The following GALNT7 variants were observed in gnomAD, a reference collection of about 807,000 sequenced individuals.
GALNT7 encodes polypeptide N-acetylgalactosaminyltransferase 7, also known as N-acetylgalactosaminyltransferase 7.
GALNT7 carries 60 observed loss-of-function variants against 82.1 expected under a neutral mutation model. That is an observed-to-expected ratio of 0.73 (90% CI 0.59 to 0.91). The LOEUF (loss-of-function observed/expected upper bound fraction) is 0.91. Ranked by LOEUF, GALNT7 falls within the 40% of genes least tolerant of loss-of-function variation. The pLI is 0.00. For synonymous variants in GALNT7, 243 were observed against 275.1 expected (o/e 0.88, Z 1.15); for missense variants, 660 against 804.2 (o/e 0.82, Z 2.17).
At chr4:173,222,069 C>T (rs1733661581) in intron 1 of GALNT7, among the ~76,000 whole-genome samples, 1 of 152,140 alleles carries the variant, frequency 6.6e-6, no homozygotes, top group African/African-American at 2.4e-5. Context: ...CTGCCCCTGC[C>T]TCATGATAGA....
intron 1 of GALNT7, among the ~76,000 whole-genome samples, chr4:173,232,874 C>A (rs1205269391): frequency 6.6e-6 from 1 of 152,118 alleles, no homozygotes; most frequent in African/African-American, 2.4e-5. Context: ...TGTTTGTACC[C>A]ATTAACCAAT....
At chr4:173,290,643 G>A (rs948632822) in intron 2 of GALNT7, among the ~76,000 whole-genome samples, 7 of 152,148 alleles carry the variant, frequency 4.6e-5, no homozygotes, top group South Asian at 2.1e-4. Flanking sequence ...CCTTTATGTC[G>A]TAAACTTCTA....
Position 173,314,138 on chromosome 4 carries a change from C to T in GALNT7, c.1570C>T (p.His524Tyr). ...AGAAATAGCTTATGATATCACCTCA[C>T]ACTACCCTTTGCCACCCAAAAATGT... ...MEEIAYDITSHYPLPPKNVDW... is the reference protein window; with the variant it reads ...MEEIAYDITSYYPLPPKNVDW... The change falls in exon 9 of 12, where the codon CAC becomes TAC. Residue 524 changes from histidine (H) to tyrosine (Y), a missense_variant. Physicochemically the swap from His to Tyr is moderately conservative, Grantham distance 83. Coordinates refer to ENST00000265000, the MANE Select transcript of GALNT7 (RefSeq NM_017423.3). 6.2e-7 allele frequency: 1 copy of T among 1,613,658 alleles called. No homozygotes were observed. Among genetic ancestry groups the T allele is most frequent in the African/African-American group, 1.3e-5 (1 of 75,008 alleles).
chr4:173,214,983 G>A (rs1029585870), intron 1 of GALNT7, among the ~76,000 whole-genome samples: 4 of 152,170 alleles, frequency 2.6e-5, no homozygotes, highest in African/African-American at 7.2e-5. Flanking sequence ...TTATAGTTAA[G>A]TTGTGGCTTG....
chr4:173,194,526 A>C (rs990526863), intron 1 of GALNT7, among the ~76,000 whole-genome samples: 2 of 152,252 alleles, frequency 1.3e-5, no homozygotes, highest in African/African-American at 4.8e-5. Flanking sequence ...AAGTTTACTA[A>C]TAATAAAATG....
In GALNT7 at chr4:173,207,102, G is replaced by T. The variant is rs193026431; in HGVS notation, c.126+38141G>T. Among the ~76,000 whole-genome samples, 317 of 152,150 alleles carry T rather than the reference G, an allele frequency of 2.1e-3. 1 individual carries two copies. Among genetic ancestry groups the T allele is most frequent in the African/African-American group, 7.4e-3 (306 of 41,512 alleles). ...TCTTGTATGTTGCTGTGTGTCTAAG[G>T]TGTGATAATTTGCCCTTTCTTCACT... On this transcript the variant is annotated intron_variant, in intron 1 of 11. Coordinates refer to ENST00000265000, the MANE Select transcript of GALNT7 (RefSeq NM_017423.3).
At chr4:173,272,742 A>G (rs1167501097) in intron 2 of GALNT7, among the ~76,000 whole-genome samples, 1 of 152,256 alleles carries the variant, frequency 6.6e-6, no homozygotes, top group Non-Finnish European at 1.5e-5. Flanking sequence ...ATTATATGCT[A>G]ATGAACTACT....
chr4:173,200,903 AG>A (rs1732925602), intron 1 of GALNT7, among the ~76,000 whole-genome samples: 1 of 152,206 alleles, frequency 6.6e-6, no homozygotes, highest in African/African-American at 2.4e-5. Flanking sequence ...AGTTTAAAAT[AG>A]AGAGATTTAT....
chr4:173,182,559 G>C (rs1449775400), intron 1 of GALNT7, among the ~76,000 whole-genome samples: 1 of 152,050 alleles, frequency 6.6e-6, no homozygotes, highest in Non-Finnish European at 1.5e-5. Context: ...AAAAATGTCA[G>C]TTGTATATTT....
In GALNT7 at chr4:173,295,394, A is replaced by G; in HGVS notation, c.755-2A>G. ...ATAATATCGATTGATTTTTCTTAAC[A>G]GAACACTTAAAAGAAAAACTGGATG... On this transcript the variant is annotated splice_acceptor_variant, in intron 3 of 11. Coordinates refer to ENST00000265000, the MANE Select transcript of GALNT7 (RefSeq NM_017423.3). LOFTEE classifies it high-confidence loss of function. 1 of 1,565,114 alleles carries G rather than the reference A, an allele frequency of 6.4e-7. No individual in the cohort carries two copies. The highest frequency in any genetic ancestry group is 8.8e-7 in the Non-Finnish European group (1 of 1,137,190).
chr4:173,276,709 T>G (rs1421659984), intron 2 of GALNT7, among the ~76,000 whole-genome samples: 3 of 152,156 alleles, frequency 2.0e-5, no homozygotes, highest in East Asian at 3.9e-4. Context: ...GCTTCAAAAC[T>G]GTAAGGCATC....
intron 2 of GALNT7, among the ~76,000 whole-genome samples, chr4:173,248,892 C>G (rs1283355282): frequency 6.6e-6 from 1 of 151,876 alleles, no homozygotes; most frequent in Admixed American, 6.6e-5. Flanking sequence ...TAACAGTGTT[C>G]TGGGTGTCTC....
At chr4:173,308,487 G>A (rs978065423) in intron 8 of GALNT7, among the ~76,000 whole-genome samples, 1 of 151,858 alleles carries the variant, frequency 6.6e-6, no homozygotes, top group Non-Finnish European at 1.5e-5. Context: ...AAGCAAAATC[G>A]AATTTTTGAA....
intron 9 of GALNT7, among the ~76,000 whole-genome samples, chr4:173,315,144 T>C (rs1054774175): frequency 6.6e-6 from 1 of 151,926 alleles, no homozygotes; most frequent in African/African-American, 2.4e-5. Flanking sequence ...TGATAAAGAG[T>C]CAGCCAATCA....
At chr4:173,309,667 GT>G (rs1737305147) in intron 8 of GALNT7, among the ~76,000 whole-genome samples, 1 of 152,156 alleles carries the variant, frequency 6.6e-6, no homozygotes. Flanking sequence ...CAAGTTTATT[GT>G]TGGCTGTAGA....
At chr4:173,182,976 TTTAAA>T (rs1312680507) in intron 1 of GALNT7, among the ~76,000 whole-genome samples, 1 of 141,812 alleles carries the variant, frequency 7.1e-6, no homozygotes, top group Non-Finnish European at 1.5e-5. Flanking sequence ...ACCTGATACT[TTTAAA>T]TTAAAGATAA....
chr4:173,243,790 G>A (rs139459395), intron 1 of GALNT7, among the ~76,000 whole-genome samples: 97 of 151,840 alleles, frequency 6.4e-4, no homozygotes, highest in African/African-American at 2.2e-3. Context: ...GGAATATAGA[G>A]TTATGTTCTT....
At chr4:173,296,280 A>G (rs1736713888) in intron 5 of GALNT7, among the ~76,000 whole-genome samples, 1 of 152,212 alleles carries the variant, frequency 6.6e-6, no homozygotes. Flanking sequence ...TTGGGTTCCT[A>G]TAGAAACTTT....
intron 8 of GALNT7, among the ~76,000 whole-genome samples, chr4:173,305,875 CA>C (rs1394640528): frequency 6.6e-6 from 1 of 151,990 alleles, no homozygotes; most frequent in Non-Finnish European, 1.5e-5. Context: ...TTTAGCTATT[CA>C]GGGTTTTTTG....
Sources: allele counts gnomAD v4.1 joint callset (sites outside exome capture counted in the v4.1 genomes callset), GRCh38; gene constraint gnomAD v4.1.1; transcripts MANE v1.5; gene names NCBI Gene and HGNC (gene_info 2026-07-23, HGNC 2026-07-21).